The following PIGK variants were observed in gnomAD, a reference collection of about 807,000 sequenced individuals.
PIGK encodes GPI-anchor transamidase.
PIGK carries 42 observed loss-of-function variants against 50.6 expected under a neutral mutation model. The observed-to-expected ratio is 0.83, with a 90% CI of 0.65 to 1.07. The LOEUF is 1.07. Ranked by LOEUF, PIGK falls within the 50% of genes least tolerant of loss-of-function variation. The pLI is 0.00. For missense variants in PIGK, 448 were observed against 488.7 expected (o/e 0.92, Z 0.78); for synonymous variants, 151 against 156.0 (o/e 0.97, Z 0.24).
chr1:77,153,959 A>T (rs1366452615), intron 9 of PIGK: 1 of 154,718 alleles, frequency 6.5e-6, no homozygotes, highest in Non-Finnish European at 1.4e-5. Context: ...AGAAAATAAA[A>T]CAAATTATAA....
chr1:77,097,680 C>T (rs909257008), intron 10 of PIGK, among the ~76,000 whole-genome samples: 1 of 152,010 alleles, frequency 6.6e-6, no homozygotes, highest in South Asian at 2.1e-4. Context: ...CCAGACATAA[C>T]ATGTAGGAAG....
At chr1:77,209,937 G>A (rs573567589) in intron 2 of PIGK, among the ~76,000 whole-genome samples, 2 of 152,132 alleles carry the variant, frequency 1.3e-5, no homozygotes, top group East Asian at 3.9e-4. Flanking sequence ...GGGACTTGAA[G>A]CCATTTTCCC....
At chr1:77,099,294 T>TA (rs1362176142) in intron 10 of PIGK, among the ~76,000 whole-genome samples, 1 of 152,198 alleles carries the variant, frequency 6.6e-6, no homozygotes, top group Non-Finnish European at 1.5e-5. Flanking sequence ...ACTAAAGTCT[T>TA]AGTGTTTTTC....
Position 77,169,432 on chromosome 1 carries a change from T to C in PIGK, c.240-37A>G, listed in dbSNP as rs753200221. On this transcript the variant is annotated intron_variant, in intron 3 of 10. Coordinates refer to ENST00000370812, the MANE Select transcript of PIGK (RefSeq NM_005482.3). ...AAATCCAGTAAATATATAATTTAGA[T>C]AAAAGGAAAAAGTTAAACACAAATT... 12 of 1,515,170 alleles carry C rather than the reference T, an allele frequency of 7.9e-6. No homozygotes were observed. The East Asian group carries it at 2.1e-4, about 26-fold the overall frequency. 93.9% of individuals were successfully genotyped at this position (1,515,170 alleles called of 1,614,324 possible). A position where few individuals can be genotyped will look rare whatever the true frequency, so the allele number is the denominator to read the frequency against.
intron 3 of PIGK, among the ~76,000 whole-genome samples, chr1:77,198,634 T>C (rs565313645): frequency 6.6e-6 from 1 of 152,038 alleles, no homozygotes; most frequent in South Asian, 2.1e-4. Context: ...TTTGGAAAGG[T>C]ACCATTTACA....
intron 8 of PIGK, 27 bp from the exon 9 acceptor site, chr1:77,154,648 A>T (rs376443229): frequency 2.1e-5 from 29 of 1,409,378 alleles, no homozygotes; most frequent in African/African-American, 2.9e-5. Flanking sequence ...TAATAAATGC[A>T]TGCATCCACA....
Sources: allele counts gnomAD v4.1 joint callset (sites outside exome capture counted in the v4.1 genomes callset), GRCh38; gene constraint gnomAD v4.1.1; transcripts MANE v1.5; gene names NCBI Gene and HGNC (gene_info 2026-07-23, HGNC 2026-07-21).